The following DDX31 variants were observed in gnomAD, a reference collection of about 807,000 sequenced individuals.
The protein encoded by DDX31 is ATP-dependent DNA helicase DDX31.
In DDX31, 70 loss-of-function variants were observed where a neutral mutation model predicts 91.3. That is an observed-to-expected ratio of 0.77 (90% CI 0.63 to 0.94). The LOEUF is 0.94. Ranked by LOEUF, DDX31 falls within the 40% of genes least tolerant of loss-of-function variation. The probability of loss-of-function intolerance (pLI) is 0.00; values close to 1 mark genes in which losing one functional copy is unlikely to be tolerated. For missense variants in DDX31, 902 were observed against 925.0 expected (o/e 0.98, Z 0.32); for synonymous variants, 362 against 350.6 (o/e 1.03, Z -0.36).
chr9:132,630,725 G>A (rs1159259122), intron 15 of DDX31, among the ~76,000 whole-genome samples: 1 of 152,270 alleles, frequency 6.6e-6, no homozygotes, highest in Admixed American at 6.5e-5. Flanking sequence ...TGTGGTGACT[G>A]GATGAGGTGA....
Position 132,595,053 on chromosome 9 carries a change from T to G in DDX31, c.2054A>C (p.Glu685Ala). 4 of 1,614,250 alleles carry G rather than the reference T, an allele frequency of 2.5e-6. No individual in the cohort carries two copies. Among genetic ancestry groups the G allele is most frequent in the Non-Finnish European group, 3.4e-6 (4 of 1,180,040 alleles). The change falls in exon 20 of 20, where the codon GAA (glutamate) becomes GCA (alanine). Residue 685 changes from glutamate (E) to alanine (A), a missense_variant. Physicochemically the swap from Glu to Ala is moderately radical, Grantham distance 107. Coordinates refer to ENST00000372159, the MANE Select transcript of DDX31 (RefSeq NM_022779.9). The surrounding 1 kb of genome is among the most constrained non-coding windows in gnomAD (Gnocchi z 4.6). Reference sequence around the variant, plus strand: ...GTCGGCCTCCATGCCGCTTGAGTATTCCGAACGTAGGATTTCAGCGAGGCT... The same window carrying G: ...GTCGGCCTCCATGCCGCTTGAGTATGCCGAACGTAGGATTTCAGCGAGGCT... ...KHSLAEILRSEYSSGMEADIA... is the reference protein window; with the variant it reads ...KHSLAEILRSAYSSGMEADIA...
intron 14 of DDX31, among the ~76,000 whole-genome samples, chr9:132,637,127 T>A (rs1833166841): frequency 6.6e-6 from 1 of 152,090 alleles, no homozygotes; most frequent in South Asian, 2.1e-4. Context: ...TCCTCTTCCA[T>A]CATATCTCAT....
In DDX31 at chr9:132,623,334, G is replaced by A. The variant is rs371418034; in HGVS notation, c.1713+2330C>T. 4.0e-5 allele frequency among the ~76,000 whole-genome samples: 6 copies of A among 151,450 alleles called. No individual in the cohort carries two copies. In the South Asian group the frequency reaches 1.3e-3, roughly 32 times the overall value. On this transcript the variant is annotated intron_variant, in intron 17 of 19. Coordinates refer to ENST00000372159, the MANE Select transcript of DDX31 (RefSeq NM_022779.9). ...GCACTTTGGGAGGCTGAGGCGGGCGGATCACAAAGTCAAGAGATTGAGACC... is the reference window on the plus strand; with the variant it reads ...GCACTTTGGGAGGCTGAGGCGGGCGAATCACAAAGTCAAGAGATTGAGACC...
intron 19 of DDX31, among the ~76,000 whole-genome samples, chr9:132,605,522 C>A (rs141873662): frequency 1.3e-5 from 2 of 152,170 alleles, no homozygotes; most frequent in Non-Finnish European, 2.9e-5. Context: ...AAATACGCAA[C>A]CTGCACGATG....
intron 18 of DDX31, 130 bp from the exon 19 acceptor site, chr9:132,612,385 C>A: frequency 6.3e-6 from 6 of 950,078 alleles, no homozygotes; most frequent in East Asian, 5.6e-5. Flanking sequence ...ACAATTACAA[C>A]ATATACAAAC....
At chr9:132,642,522 T>C (rs1027696447) in intron 13 of DDX31, among the ~76,000 whole-genome samples, 2 of 152,088 alleles carry the variant, frequency 1.3e-5, no homozygotes, top group Non-Finnish European at 2.9e-5. Context: ...AGAAAATATA[T>C]TTACATTAGA....
At chr9:132,632,607 G>T (rs867074323) in intron 14 of DDX31, among the ~76,000 whole-genome samples, 48 of 152,190 alleles carry the variant, frequency 3.2e-4, no homozygotes, top group African/African-American at 1.1e-3. Flanking sequence ...TGGCCTTGAG[G>T]TGTGTTCTGG....
rs11452408 is a variant in DDX31 at position 132,619,880 on chromosome 9, GT to G, written c.1714-1440del. On this transcript the variant is annotated intron_variant, in intron 17 of 19. Coordinates refer to ENST00000372159, the MANE Select transcript of DDX31 (RefSeq NM_022779.9). ...GCAGCGCAACTGTCACCTTCCCTGT[GT>G]TTTTTTTTTTTTTTAATATGAATGT... Among the ~76,000 whole-genome samples the G allele has an allele frequency of 7.0e-3, 975 of 140,020 alleles. 9 individuals carry two copies. The highest frequency in any genetic ancestry group is 7.5e-3 in the African/African-American group (288 of 38,204). 91.9% of individuals were successfully genotyped at this position (140,020 alleles called of 152,430 possible).
chr9:132,633,780 C>T (rs1200840171), intron 14 of DDX31, among the ~76,000 whole-genome samples: 4 of 151,892 alleles, frequency 2.6e-5, no homozygotes, highest in Middle Eastern at 3.4e-3. Flanking sequence ...TGACTCAGAC[C>T]GAAGTGTATT....
chr9:132,667,053 T>C (rs1590116553), intron 1 of DDX31, among the ~76,000 whole-genome samples: 1 of 151,446 alleles, frequency 6.6e-6, no homozygotes, highest in Admixed American at 6.6e-5. Flanking sequence ...TTCACCGTGT[T>C]GGCCAGGCTG....
chr9:132,632,262 A>ACACACACAGTCCTG (rs1832820122), intron 14 of DDX31, among the ~76,000 whole-genome samples, 171 bp from the exon 15 acceptor site: 3 of 130,434 alleles, frequency 2.3e-5, no homozygotes, highest in Admixed American at 7.2e-5. Flanking sequence ...ACACACACAC[A>ACACACACAGTCCTG]CACACACACA....
chr9:132,604,459 A>C (rs1236379870), intron 19 of DDX31, among the ~76,000 whole-genome samples: 1 of 152,166 alleles, frequency 6.6e-6, no homozygotes, highest in Non-Finnish European at 1.5e-5. Context: ...GGTTCTACAT[A>C]AAAAACTACT....
intron 1 of DDX31, among the ~76,000 whole-genome samples, chr9:132,668,757 C>T (rs1338359764): frequency 1.3e-5 from 2 of 152,006 alleles, no homozygotes; most frequent in Non-Finnish European, 2.9e-5. Context: ...TTAGTAGAGA[C>T]GGGGGTTTCA....
chr9:132,636,786 C>T (rs1358124582), intron 14 of DDX31, among the ~76,000 whole-genome samples: 1 of 152,116 alleles, frequency 6.6e-6, no homozygotes, highest in East Asian at 1.9e-4. Context: ...TTTAGGCTAC[C>T]ACAGTGAATA....
chr9:132,603,464 A>T (rs776958706), intron 19 of DDX31, among the ~76,000 whole-genome samples: 1 of 152,194 alleles, frequency 6.6e-6, no homozygotes, highest in Non-Finnish European at 1.5e-5. Context: ...GTTAGATTAG[A>T]AGAGGAGAGG....
rs1830305853 is a variant in DDX31, at chr9:132,593,730, C to A, written c.*1136G>T. 6.7e-6 allele frequency: 1 copy of A among 149,238 alleles called. No individual in the cohort carries two copies. The highest frequency in any genetic ancestry group is 2.5e-5 in the African/African-American group (1 of 40,212). 9.2% of individuals were successfully genotyped at this position (149,238 alleles called of 1,614,324 possible). A position where few individuals can be genotyped will look rare whatever the true frequency, so the allele number is the denominator to read the frequency against. On this transcript the variant is annotated 3_prime_UTR_variant, in exon 20 of 20. Transcript: ENST00000372159. ...GGCCCACCTTGCCAACTCTCACCACCCTCTCGTGGCCACTCAGACCTTCCA... is the reference window on the plus strand; with the variant it reads ...GGCCCACCTTGCCAACTCTCACCACACTCTCGTGGCCACTCAGACCTTCCA...
chr9:132,596,613 T>C (rs779880564), intron 19 of DDX31, among the ~76,000 whole-genome samples: 1 of 152,146 alleles, frequency 6.6e-6, no homozygotes, highest in Non-Finnish European at 1.5e-5. Flanking sequence ...ATTATCCTCA[T>C]TTACAGACAA....
intron 17 of DDX31, among the ~76,000 whole-genome samples, chr9:132,620,538 G>A (rs1831961170): frequency 6.6e-6 from 1 of 151,388 alleles, no homozygotes; most frequent in Non-Finnish European, 1.5e-5. Context: ...GTCAGTTTTA[G>A]TAAAATATAA....
At chr9:132,610,451 T>C (rs1361468290) in intron 19 of DDX31, among the ~76,000 whole-genome samples, 1 of 152,114 alleles carries the variant, frequency 6.6e-6, no homozygotes, top group Non-Finnish European at 1.5e-5. Flanking sequence ...GAATCAAGCA[T>C]CTTAAAAATT....
Sources: gnomAD v4.1 joint callset for allele counts (sites outside exome capture counted in the v4.1 genomes callset) on GRCh38, gnomAD v4.1.1 for gene constraint, Gnocchi (gnomAD v3.1) non-coding constraint, MANE v1.5 for transcripts, NCBI Gene and HGNC (gene_info 2026-07-23, HGNC 2026-07-21) for gene names.